PTCD3: variants seen among roughly 807,000 people sequenced by gnomAD.
The protein encoded by PTCD3 is small ribosomal subunit protein mS39.
A neutral mutation model predicts 101.9 loss-of-function variants in PTCD3; 89 were observed. That is an observed-to-expected ratio of 0.87 (90% confidence interval 0.74 to 1.04). The LOEUF is 1.04. Among genes scored for constraint, PTCD3 ranks in the 50% least tolerant of loss-of-function variants. The probability of loss-of-function intolerance (pLI) is 0.00; values close to 1 mark genes in which losing one functional copy is unlikely to be tolerated. For synonymous variants in PTCD3, 296 were observed against 278.5 expected (o/e 1.06, Z -0.63); for missense variants, 870 against 828.2 (o/e 1.05, Z -0.62).
Position 86,108,541 on chromosome 2 carries a change from G to A in PTCD3, c.194+5G>A, listed in dbSNP as rs1674010017. 6.3e-7 allele frequency: 1 copy of A among 1,593,550 alleles called. No individual in the cohort carries two copies. Among genetic ancestry groups the A allele is most frequent in the African/African-American group, 1.4e-5 (1 of 73,646 alleles). On this transcript the variant is annotated splice_donor_5th_base_variant and intron_variant, in intron 3 of 23. Coordinates refer to ENST00000254630, the MANE Select transcript of PTCD3 (RefSeq NM_017952.6). ...AATTCCAAAAAAGAAAACTTGGTAA[G>A]TATTCTATCAGTGTTCATTCAGCAA...
At chr2:86,126,643 T>C (rs1573855158) in intron 12 of PTCD3, among the ~76,000 whole-genome samples, 1 of 152,046 alleles carries the variant, frequency 6.6e-6, no homozygotes, top group Admixed American at 6.6e-5. Flanking sequence ...GTGACCAGCC[T>C]GACTAACATG....
At chr2:86,135,172 G>A (rs1674564817) in intron 21 of PTCD3, 185 bp downstream of exon 21, 1 of 530,782 alleles carries the variant, frequency 1.9e-6, no homozygotes, top group Non-Finnish European at 3.2e-6. Context: ...TTGAGATAAG[G>A]CATAGTTCTC....
At position 86,137,750 on chromosome 2, in the gene PTCD3, A is replaced by C. The variant is rs542992092; in HGVS notation, c.*191A>C. ...TAAGCTGCTAATATGCTACTTAACC[A>C]TCTATTAATGCACCATTAAAGGCTT... On this transcript the variant is annotated 3_prime_UTR_variant, in exon 24 of 24. Transcript: ENST00000254630. 1.4e-6 allele frequency: 1 copy of C among 693,328 alleles called. No individual in the cohort carries two copies. Among genetic ancestry groups the C allele is most frequent in the Non-Finnish European group, 2.3e-6 (1 of 435,780 alleles). 42.9% of individuals were successfully genotyped at this position (693,328 alleles called of 1,614,324 possible).
intron 1 of PTCD3, among the ~76,000 whole-genome samples, chr2:86,106,757 C>T (rs1162976975): frequency 6.6e-6 from 1 of 152,152 alleles, no homozygotes; most frequent in Non-Finnish European, 1.5e-5. Flanking sequence ...TGGTCGCCAC[C>T]GTGGGGACTT....
chr2:86,112,699 A>G (rs2104448650), intron 4 of PTCD3, among the ~76,000 whole-genome samples: 1 of 151,970 alleles, frequency 6.6e-6, no homozygotes, highest in Non-Finnish European at 1.5e-5. Context: ...AAAAAAAAAA[A>G]AAAAATTTAA....
At chr2:86,129,929 C>T (rs1674465695) in intron 14 of PTCD3, among the ~76,000 whole-genome samples, 1 of 66,912 alleles carries the variant, frequency 1.5e-5, no homozygotes, top group Non-Finnish European at 5.1e-5. Flanking sequence ...TTAAGAACTG[C>T]CCTGTCCATT....
intron 1 of PTCD3, among the ~76,000 whole-genome samples, chr2:86,107,974 T>C (rs1278590311): frequency 6.6e-6 from 1 of 152,168 alleles, no homozygotes; most frequent in Non-Finnish European, 1.5e-5. Context: ...CCAAAACTTT[T>C]GTCTAGCCGG....
chr2:86,116,951 G>C, intron 5 of PTCD3, 104 bp from the exon 6 acceptor site: 1 of 643,358 alleles, frequency 1.6e-6, no homozygotes. Flanking sequence ...GCGTGTTGTT[G>C]CATTTGTTTT....
At chr2:86,132,488 G>T in intron 17 of PTCD3, 64 bp downstream of exon 17, 3 of 1,163,772 alleles carry the variant, frequency 2.6e-6, no homozygotes, top group Non-Finnish European at 3.8e-6. Flanking sequence ...GGAGGCTGTT[G>T]ATGTCCCTTC....
At position 86,122,796 on chromosome 2, in the gene PTCD3, A is replaced by G. The variant is rs151159583; in HGVS notation, c.655-905A>G. 5.3e-5 allele frequency among the ~76,000 whole-genome samples: 8 copies of G among 152,326 alleles called. No homozygotes were observed. The East Asian group carries it at 1.5e-3, about 29-fold the overall frequency. ...GCAGTTAAACCTTGCTTTCCAGAGTATCACTTCCTGAAGCCCTGCTCTGGT... is the reference window on the plus strand; with the variant it reads ...GCAGTTAAACCTTGCTTTCCAGAGTGTCACTTCCTGAAGCCCTGCTCTGGT... On this transcript the variant is annotated intron_variant, in intron 8 of 23. Transcript: ENST00000254630.
intron 8 of PTCD3, 74 bp downstream of exon 8, chr2:86,121,668 G>C (rs1192827136): frequency 2.1e-6 from 2 of 936,328 alleles, no homozygotes; most frequent in East Asian, 2.5e-5. Context: ...AAAATAAGAT[G>C]GGTTGTTTTG....
Position 86,136,529 on chromosome 2 carries a change from T to G in PTCD3, c.1787T>G (p.Leu596Trp). 6.2e-7 allele frequency: 1 copy of G among 1,611,924 alleles called. No individual in the cohort carries two copies. Among genetic ancestry groups the G allele is most frequent in the Non-Finnish European group, 8.5e-7 (1 of 1,177,964 alleles). The change falls in exon 22 of 24, where the codon TTG (leucine) becomes TGG (tryptophan). Residue 596 changes from leucine (L) to tryptophan (W), a missense_variant. Leu to Trp is a moderately conservative substitution (Grantham distance 61). Transcript: ENST00000254630. ...TTTCCTTTCTTGAGCAGGAAAATGT[T>G]GGGGCTTTTCAGGAAGCATAATAAG... is the stretch of plus-strand genomic sequence containing the variant. ...AGRTQEAWKMLGLFRKHNKIP... is the reference protein window; with the variant it reads ...AGRTQEAWKMWGLFRKHNKIP...
Position 86,124,697 on chromosome 2 carries a change from A to T in PTCD3, c.717-298A>T, listed in dbSNP as rs77407835. Among the ~76,000 whole-genome samples, 1,006 of 152,340 alleles carry T rather than the reference A, an allele frequency of 6.6e-3. 11 individuals are homozygous for T. The highest frequency in any genetic ancestry group is 0.023 in the African/African-American group (946 of 41,560). ...AGGAAACTTTACTAGGGACTTTGTC[A>T]TACAGTTGCTTCTTGTTTTTAATAG... On this transcript the variant is annotated intron_variant, in intron 9 of 23. Transcript: ENST00000254630.
In PTCD3 at chr2:86,125,071, G is replaced by A. The variant is rs903094176; in HGVS notation, c.793G>A (p.Gly265Arg). Reference protein sequence around the residue: ...NEHSYCTMIRGMVKHRAYEQA... With the variant: ...NEHSYCTMIRRMVKHRAYEQA... ...ACATTCCTATTGCACAATGATCCGA[G>A]GAATGGTGAAGGTACATTTGTTTTA... Residue 265 changes from glycine to arginine, a missense_variant, in exon 10 of 24, where the codon GGA becomes AGA. By Grantham distance (125) the Gly-to-Arg change is moderately radical (BLOSUM62 -2). Coordinates refer to ENST00000254630, the MANE Select transcript of PTCD3 (RefSeq NM_017952.6). 1 of 1,613,902 alleles carries A rather than the reference G, an allele frequency of 6.2e-7. No homozygotes were observed. The highest frequency in any genetic ancestry group is 8.5e-7 in the Non-Finnish European group (1 of 1,179,982).
rs201067869 is a variant in PTCD3 at position 86,106,264 on chromosome 2, C to T, written c.17C>T (p.Ala6Val). 47 of 1,614,130 alleles carry T rather than the reference C, an allele frequency of 2.9e-5. No homozygotes were observed. Among genetic ancestry groups the T allele is most frequent in the East Asian group, 4.5e-5 (2 of 44,878 alleles). MAVVS[A>V]VRWLGLRSRL... is the part of the protein sequence containing the mutation. ...AAATCAAAGATGGCGGTTGTATCTG[C>T]TGTTCGCTGGCTGGGCCTCCGCAGC... is the stretch of plus-strand genomic sequence containing the variant. Residue 6 changes from alanine to valine, a missense_variant, in exon 1 of 24, where the codon GCT (alanine) becomes GTT (valine). Transcript: ENST00000254630.
At chr2:86,125,702 C>T (rs6740228) in intron 11 of PTCD3, 93 bp from the exon 12 acceptor site, 886,289 of 1,094,750 alleles carry the variant, frequency 0.81, 364,604 homozygotes, top group Non-Finnish European at 0.84. Context: ...TGTGATTAGT[C>T]AAGGGACACA....
In PTCD3 at chr2:86,106,368, G is replaced by A. The variant is rs1168974701; in HGVS notation, c.104+17G>A. ...CAGCTGCAGGTAAGAGACGCTTAGG[G>A]TATCCGCGAAGAAGACCGCGGAGTC... On this transcript the variant is annotated intron_variant, in intron 1 of 23. Coordinates refer to ENST00000254630, the MANE Select transcript of PTCD3 (RefSeq NM_017952.6). 3.7e-6 allele frequency: 6 copies of A among 1,610,812 alleles called. No homozygotes were observed. In the Admixed American group the frequency reaches 6.7e-5, roughly 18 times the overall value.
intron 4 of PTCD3, among the ~76,000 whole-genome samples, chr2:86,114,487 A>G (rs1340715816): frequency 1.3e-5 from 2 of 152,106 alleles, no homozygotes; most frequent in Non-Finnish European, 1.5e-5. Context: ...ACGGAGTTTC[A>G]CTGTGTTAGC....
At chr2:86,132,744 C>A (rs1429354802) in intron 17 of PTCD3, 1 of 300,578 alleles carries the variant, frequency 3.3e-6, no homozygotes, top group African/African-American at 2.2e-5. Flanking sequence ...TTTCACCTCC[C>A]TTGCTTTTGT....
Sources: gnomAD v4.1 joint callset for allele counts (sites outside exome capture counted in the v4.1 genomes callset) on GRCh38, gnomAD v4.1.1 for gene constraint, MANE v1.5 for transcripts, NCBI Gene and HGNC (gene_info 2026-07-23, HGNC 2026-07-21) for gene names.